The following MYH10 variants were observed in gnomAD, a reference collection of about 807,000 sequenced individuals.
MYH10 encodes the protein myosin heavy chain 10.
In MYH10, 55 loss-of-function variants were observed where a neutral mutation model predicts 257.8. The ratio of observed to expected loss-of-function variants is 0.21; its 90% CI spans 0.17 to 0.27. MYH10 has a LOEUF of 0.27. Ranked by LOEUF, MYH10 falls within the 10% of genes least tolerant of loss-of-function variation. MYH10 has a pLI of 1.00. For missense variants in MYH10, 1,631 were observed against 2,500.6 expected (o/e 0.65, Z 7.42); for synonymous variants, 854 against 921.7 (o/e 0.93, Z 1.33).
At chr17:8,605,187 T>G (rs2084750878) in intron 2 of MYH10, among the ~76,000 whole-genome samples, 1 of 152,186 alleles carries the variant, frequency 6.6e-6, no homozygotes, top group South Asian at 2.1e-4. Flanking sequence ...GATAGCTTAT[T>G]AAGTGGCACT....
chr17:8,584,349 T>C (rs887987190), intron 4 of MYH10, among the ~76,000 whole-genome samples: 1 of 152,224 alleles, frequency 6.6e-6, no homozygotes, highest in Non-Finnish European at 1.5e-5. Context: ...AGGAAGATGC[T>C]GAGGCAAAAT....
intron 4 of MYH10, among the ~76,000 whole-genome samples, chr17:8,582,953 C>A (rs1228322957): frequency 6.6e-6 from 1 of 152,194 alleles, no homozygotes; most frequent in South Asian, 2.1e-4. Flanking sequence ...TTGAAAAACA[C>A]CAGATACATA....
At chr17:8,501,207 C>T (rs1170373815) in intron 28 of MYH10, among the ~76,000 whole-genome samples, 1 of 152,026 alleles carries the variant, frequency 6.6e-6, no homozygotes. Context: ...TAAGGTGGAT[C>T]GCTTGAGCCT....
chr17:8,481,092 GC>G, intron 38 of MYH10, among the ~76,000 whole-genome samples: 1 of 2,378 alleles, frequency 4.2e-4, no homozygotes, highest in Admixed American at 0.016. Flanking sequence ...GGTGTGCAGG[GC>G]TCAGCAGGAC....
At chr17:8,624,339 ATGATTGCC>A (rs1344423412) in intron 1 of MYH10, among the ~76,000 whole-genome samples, 1 of 152,188 alleles carries the variant, frequency 6.6e-6, no homozygotes, top group Non-Finnish European at 1.5e-5. Flanking sequence ...GTGACTCATC[ATGATTGCC>A]TGACAGGATC....
In MYH10 at chr17:8,480,167, A is replaced by G. The variant is rs1442398416; in HGVS notation, c.5540T>C (p.Ile1847Thr). The G allele has an allele frequency of 2.5e-6, 4 of 1,613,958 alleles. No homozygotes were observed. The African/African-American group carries it at 5.3e-5, about 22-fold the overall frequency. The change falls in exon 40 of 43, where the codon ATC becomes ACC. Residue 1847 changes from isoleucine to threonine, a missense_variant. This residue lies in a region of MYH10 where 343 missense variants were observed against 389.5 expected (regional missense o/e 0.88). Coordinates refer to ENST00000360416, the MANE Select transcript of MYH10 (RefSeq NM_001256012.3). ...CCCAATCTTGGCCTCCAGGGCTGAG[A>G]TGGTGGCCTTGAACTTAGACTTGAC... is the stretch of plus-strand genomic sequence containing the variant. ...GAVKSKFKAT[I>T]SALEAKIGQL... is the part of the protein sequence containing the mutation.
At chr17:8,565,025 G>A (rs2083119972) in intron 7 of MYH10, among the ~76,000 whole-genome samples, 1 of 152,108 alleles carries the variant, frequency 6.6e-6, no homozygotes, top group Admixed American at 6.5e-5. Context: ...TGATTCCTAG[G>A]TATTTTGTCT....
At chr17:8,571,671 T>C (rs1456615670) in intron 6 of MYH10, among the ~76,000 whole-genome samples, 2 of 151,604 alleles carry the variant, frequency 1.3e-5, no homozygotes, top group East Asian at 3.9e-4. Flanking sequence ...GGCAGGAGAA[T>C]CGCTTGAACC....
rs2084829805 is a variant in MYH10 at position 8,606,845 on chromosome 17, A to C, written c.346-1863T>G. Among the ~76,000 whole-genome samples the C allele has an allele frequency of 2.6e-5, 4 of 152,298 alleles. 1 individual carries two copies. The South Asian group carries it at 8.3e-4, about 32-fold the overall frequency. The stretch of plus-strand genomic sequence containing the variant: ...TCGTTCTTTGCCTGAGACTGTACTA[A>C]TTACTATAGACTCCTCAAGTCTTCA... On this transcript the variant is annotated intron_variant, in intron 2 of 42. Transcript: ENST00000360416.
In MYH10 at chr17:8,513,688, GTTTT is replaced by G; in HGVS notation, c.2614-23_2614-20del. ...GCTTCACCTATGACAAAATTAAGCA[GTTTT>G]TTTTTTTTTATCATTCCAGCTCTTT... On this transcript the variant is annotated intron_variant, in intron 22 of 42. Coordinates refer to ENST00000360416, the MANE Select transcript of MYH10 (RefSeq NM_001256012.3). 6.6e-7 allele frequency: 1 copy of G among 1,519,386 alleles called. No individual in the cohort carries two copies. The highest frequency in any genetic ancestry group is 9.0e-7 in the Non-Finnish European group (1 of 1,116,938). The allele number at this position is 1,519,386 out of a possible 1,614,324, so 94.1% of individuals were successfully genotyped here. A position where few individuals can be genotyped will look rare whatever the true frequency, so the allele number is the denominator to read the frequency against.
At position 8,569,482 on chromosome 17, in the gene MYH10, A is replaced by G. The variant is rs2083270003; in HGVS notation, c.756+238T>C. Among the ~76,000 whole-genome samples the G allele has an allele frequency of 6.6e-6, 1 of 152,196 alleles. No homozygotes were observed. The highest frequency in any genetic ancestry group is 1.5e-5 in the Non-Finnish European group (1 of 68,034). ...TTAAATTACATATCCATAAAATAAGACAGAGTTATACATTTCTGTATGATA... is the reference window on the plus strand; with the variant it reads ...TTAAATTACATATCCATAAAATAAGGCAGAGTTATACATTTCTGTATGATA... On this transcript the variant is annotated intron_variant, in intron 7 of 42. Transcript: ENST00000360416. The surrounding 1 kb of genome is among the most constrained non-coding windows in gnomAD (Gnocchi z 4.1).
At chr17:8,513,708 C>T (rs746039701) in intron 22 of MYH10, 39 bp from the exon 23 acceptor site, 11 of 1,606,764 alleles carry the variant, frequency 6.8e-6, no homozygotes, top group Non-Finnish European at 8.5e-6. Flanking sequence ...TTTTATCATT[C>T]CAGCTCTTTC....
At chr17:8,531,444 T>C (rs1390447420) in intron 16 of MYH10, among the ~76,000 whole-genome samples, 1 of 152,026 alleles carries the variant, frequency 6.6e-6, no homozygotes, top group Non-Finnish European at 1.5e-5. Context: ...TAGCAAAAAG[T>C]AGGGCATTAT....
At chr17:8,494,480 G>A (rs1007066105) in intron 31 of MYH10, among the ~76,000 whole-genome samples, 1 of 152,086 alleles carries the variant, frequency 6.6e-6, no homozygotes, top group African/African-American at 2.4e-5. Flanking sequence ...TGCATGGGGT[G>A]TGCTTTGGTA....
At chr17:8,498,187 T>C (rs1247242561) in intron 30 of MYH10, among the ~76,000 whole-genome samples, 1 of 151,920 alleles carries the variant, frequency 6.6e-6, no homozygotes, top group Non-Finnish European at 1.5e-5. Flanking sequence ...GGTTTCGCCA[T>C]GTTGGCCAGG....
In MYH10 at chr17:8,535,594, T is replaced by C; in HGVS notation, c.1780-93A>G. On this transcript the variant is annotated intron_variant, in intron 15 of 42. Transcript: ENST00000360416. The surrounding 1 kb of genome is among the most constrained non-coding windows in gnomAD (Gnocchi z 4.3). ...TTTAAGCCTCAACCAGAAACTTTTA[T>C]ACAACAGTCCCCAAAATGGGCTGTC... is the stretch of plus-strand genomic sequence containing the variant. 7.7e-7 allele frequency: 1 copy of C among 1,297,270 alleles called. No homozygotes were observed. The highest frequency in any genetic ancestry group is 1.1e-6 in the Non-Finnish European group (1 of 925,428). 80.4% of individuals were successfully genotyped at this position (1,297,270 alleles called of 1,614,324 possible). A position where few individuals can be genotyped will look rare whatever the true frequency, so the allele number is the denominator to read the frequency against.
At chr17:8,514,180 C>A (rs769538988) in intron 21 of MYH10, among the ~76,000 whole-genome samples, 2 of 152,182 alleles carry the variant, frequency 1.3e-5, no homozygotes, top group Non-Finnish European at 2.9e-5. Context: ...CAGCCATATA[C>A]CCACACTGCG....
intron 7 of MYH10, chr17:8,560,829 G>A: frequency 1.7e-6 from 1 of 578,098 alleles, no homozygotes; most frequent in Non-Finnish European, 3.3e-6. Flanking sequence ...CCAAGACTGA[G>A]TGGCTGGATG....
At chr17:8,508,725 A>G in intron 25 of MYH10, 48 bp from the exon 26 acceptor site, 1 of 1,608,626 alleles carries the variant, frequency 6.2e-7, no homozygotes, top group Non-Finnish European at 8.5e-7. Flanking sequence ...CAGAATGACC[A>G]CTTGGGTTCT....
Sources: allele counts gnomAD v4.1 joint callset (sites outside exome capture counted in the v4.1 genomes callset), GRCh38; gene constraint gnomAD v4.1.1; regional missense constraint gnomAD v4.1.1; non-coding constraint Gnocchi (gnomAD v3.1); transcripts MANE v1.5; gene names NCBI Gene and HGNC (gene_info 2026-07-23, HGNC 2026-07-21).